Variants in DNAH12 observed in about 807,000 individuals in gnomAD.
The protein encoded by DNAH12 is dynein axonemal heavy chain 12, also known as axonemal beta dynein heavy chain 12.
Under a neutral mutation model 371.5 loss-of-function variants are expected in DNAH12, and 285 were observed. The observed-to-expected ratio is 0.77, with a 90% CI of 0.70 to 0.85. DNAH12 has a LOEUF of 0.85. Among genes scored for constraint, DNAH12 ranks in the 40% least tolerant of loss-of-function variants. The pLI, the probability that DNAH12 is intolerant of heterozygous loss-of-function variation, is 0.00. For synonymous variants in DNAH12, 1,200 were observed against 1,213.0 expected, an observed-to-expected ratio of 0.99 and a Z score of 0.22; for missense variants, 3,611 against 3,689.4, an observed-to-expected ratio of 0.98 and a Z score of 0.55.
At chr3:57,354,088 T>C (rs1326795334) in intron 59 of DNAH12, among the ~76,000 whole-genome samples, 4 of 151,932 alleles carry the variant, frequency 2.6e-5, no homozygotes, top group African/African-American at 9.7e-5. Context: ...ATCACAGTAC[T>C]ATTCACAATA....
intron 30 of DNAH12, among the ~76,000 whole-genome samples, chr3:57,436,261 T>C (rs9849659): frequency 0.5 from 75,784 of 151,932 alleles, 19,005 homozygotes; most frequent in South Asian, 0.57. Flanking sequence ...AAAATGTCCA[T>C]AGCCACTTTA....
At chr3:57,303,006 A>C (rs765219917) in intron 69 of DNAH12, among the ~76,000 whole-genome samples, 17 of 152,064 alleles carry the variant, frequency 1.1e-4, no homozygotes, top group Non-Finnish European at 1.3e-4. Flanking sequence ...TTTAACCAGT[A>C]ATAACAGATC....
intron 32 of DNAH12, among the ~76,000 whole-genome samples, chr3:57,430,623 C>A (rs2064927308): frequency 6.6e-6 from 1 of 152,134 alleles, no homozygotes; most frequent in South Asian, 2.1e-4. Flanking sequence ...TCCTCAATCT[C>A]TTTGGCTTGC....
intron 30 of DNAH12, among the ~76,000 whole-genome samples, chr3:57,436,344 G>A (rs2065124785): frequency 6.6e-6 from 1 of 152,082 alleles, no homozygotes; most frequent in African/African-American, 2.4e-5. Context: ...CAAGTGAGAG[G>A]TCCTGAAGTT....
chr3:57,379,093 T>C (rs2063336349), intron 52 of DNAH12, 65 bp downstream of exon 52: 1 of 152,216 alleles, frequency 6.6e-6, no homozygotes, highest in Non-Finnish European at 1.5e-5. Flanking sequence ...CCAGTAAATA[T>C]AAGCACAGAT....
intron 29 of DNAH12, among the ~76,000 whole-genome samples, chr3:57,438,520 C>G (rs914925250): frequency 1.3e-5 from 2 of 152,058 alleles, no homozygotes; most frequent in African/African-American, 4.8e-5. Flanking sequence ...TGATGCTACA[C>G]CTAGAAAACC....
intron 49 of DNAH12, among the ~76,000 whole-genome samples, chr3:57,382,982 A>C (rs1408641260): frequency 6.6e-6 from 1 of 152,232 alleles, no homozygotes; most frequent in Non-Finnish European, 1.5e-5. Flanking sequence ...TAGATTCCAG[A>C]TCACTTGAGT....
At chr3:57,438,671 G>A (rs1301949087) in intron 29 of DNAH12, among the ~76,000 whole-genome samples, 1 of 151,892 alleles carries the variant, frequency 6.6e-6, no homozygotes, top group Non-Finnish European at 1.5e-5. Context: ...AATGCAATCC[G>A]GCCGGGCGCG....
chr3:57,479,511 A>G (rs977014572), intron 13 of DNAH12, among the ~76,000 whole-genome samples: 3 of 152,172 alleles, frequency 2.0e-5, no homozygotes, highest in Non-Finnish European at 4.4e-5. Context: ...AGACAGATCA[A>G]TGAGACAGAA....
chr3:57,294,519 C>T (rs1001983470), intron 73 of DNAH12, among the ~76,000 whole-genome samples: 1 of 151,976 alleles, frequency 6.6e-6, no homozygotes, highest in Non-Finnish European at 1.5e-5. Context: ...GTGTGGAAGA[C>T]AGGAATAGAC....
chr3:57,512,606 T>C (rs2068039316), intron 4 of DNAH12: 2 of 152,228 alleles, frequency 1.3e-5, no homozygotes, highest in South Asian at 4.1e-4. Context: ...ACTTTTACGC[T>C]GTTGGTGGGA....
At chr3:57,398,073 T>C (rs1174814700) in intron 43 of DNAH12, among the ~76,000 whole-genome samples, 1 of 152,044 alleles carries the variant, frequency 6.6e-6, no homozygotes, top group African/African-American at 2.4e-5. Context: ...ATGAACAAAA[T>C]GAGAATTAAC....
At chr3:57,482,724 A>G (rs1324873929) in intron 13 of DNAH12, among the ~76,000 whole-genome samples, 2 of 152,066 alleles carry the variant, frequency 1.3e-5, no homozygotes, top group Admixed American at 1.3e-4. Flanking sequence ...CATATACACC[A>G]TGGAATACTA....
At chr3:57,415,955 A>T (rs2064363147) in intron 37 of DNAH12, among the ~76,000 whole-genome samples, 1 of 151,658 alleles carries the variant, frequency 6.6e-6, no homozygotes, top group Admixed American at 6.6e-5. Context: ...CACCTGGCTA[A>T]TTTTTGTATT....
At chr3:57,351,420 C>A (rs1553660200) in intron 60 of DNAH12, among the ~76,000 whole-genome samples, 3 of 152,146 alleles carry the variant, frequency 2.0e-5, no homozygotes, top group African/African-American at 2.4e-5. Flanking sequence ...GGACATCTTC[C>A]CAACAGAAAC....
chr3:57,519,950 C>A, intron 4 of DNAH12: 1 of 865,818 alleles, frequency 1.2e-6, no homozygotes, highest in Non-Finnish European at 2.0e-6. Flanking sequence ...GACTTGGAGC[C>A]TGCGCTCCTG....
chr3:57,403,889 TG>T (rs1318725129), intron 42 of DNAH12, among the ~76,000 whole-genome samples: 2 of 152,174 alleles, frequency 1.3e-5, no homozygotes, highest in African/African-American at 4.8e-5. Context: ...TTAGCTTCAC[TG>T]GTAATTAGGT....
At chr3:57,503,993 C>T (rs2067654630) in intron 9 of DNAH12, 23 bp downstream of exon 9, 1 of 1,581,288 alleles carries the variant, frequency 6.3e-7, no homozygotes, top group Admixed American at 1.8e-5. Flanking sequence ...AAAATTCTTT[C>T]CCGATGGGTA....
In DNAH12 at chr3:57,456,668, A is replaced by G. The variant is rs559685691; in HGVS notation, c.3336+1053T>C. ...GAAGAGAACTGTCCTACAGATCCAC[A>G]TGTGCTAATGTGCAGGATTGTTTGC... On this transcript the variant is annotated intron_variant, in intron 22 of 73. Transcript: ENST00000495027. Among the ~76,000 whole-genome samples, 7 of 152,336 alleles carry G rather than the reference A, an allele frequency of 4.6e-5. 1 individual carries two copies. The South Asian group carries it at 1.2e-3, about 27-fold the overall frequency.
Sources: gnomAD v4.1 joint callset for allele counts (sites outside exome capture counted in the v4.1 genomes callset) on GRCh38, gnomAD v4.1.1 for gene constraint, MANE v1.5 for transcripts, NCBI Gene and HGNC (gene_info 2026-07-23, HGNC 2026-07-21) for gene names.